The following POC5 variants were observed in gnomAD, a reference collection of about 807,000 sequenced individuals.
POC5 encodes POC5 centriolar protein.
A neutral mutation model predicts 62.9 loss-of-function variants in POC5; 48 were observed. The ratio of observed to expected loss-of-function variants is 0.76; its 90% CI spans 0.61 to 0.97. The LOEUF is 0.97. POC5 is among the 50% of genes least tolerant of loss of function. The probability of loss-of-function intolerance (pLI) is 0.00; values close to 1 mark genes in which losing one functional copy is unlikely to be tolerated. For missense variants in POC5, 696 were observed against 679.5 expected (o/e 1.02, Z -0.27); for synonymous variants, 236 against 228.2 (o/e 1.03, Z -0.31).
chr5:75,694,567 G>T, intron 6 of POC5, 88 bp downstream of exon 6: 2 of 1,082,768 alleles, frequency 1.8e-6, no homozygotes, highest in Non-Finnish European at 1.3e-6. Flanking sequence ...CCTGTATCTT[G>T]TATGAGGTAA....
At chr5:75,683,683 G>A (rs1274120610) in intron 10 of POC5, among the ~76,000 whole-genome samples, 2 of 150,514 alleles carry the variant, frequency 1.3e-5, no homozygotes, top group African/African-American at 4.9e-5. Context: ...GCCACGATGT[G>A]CTTCATCTGA....
intron 5 of POC5, among the ~76,000 whole-genome samples, chr5:75,701,589 A>C (rs1398443469): frequency 2.2e-5 from 2 of 92,946 alleles, no homozygotes; most frequent in Admixed American, 1.4e-4. Flanking sequence ...GGGAGGGGGG[A>C]GGGATAGCAT....
chr5:75,710,212 CTG>C (rs1446295615), intron 2 of POC5, among the ~76,000 whole-genome samples: 2 of 152,182 alleles, frequency 1.3e-5, no homozygotes, highest in East Asian at 3.8e-4. Context: ...CAGAATGAAA[CTG>C]TAAGGAACCC....
chr5:75,701,861 G>A (rs1776899622), intron 5 of POC5, among the ~76,000 whole-genome samples: 1 of 152,082 alleles, frequency 6.6e-6, no homozygotes, highest in African/African-American at 2.4e-5. Context: ...AGTTGCTATA[G>A]GAGTGGCTAT....
chr5:75,674,624 T>A (rs200998336), intron 11 of POC5, 46 bp from the exon 12 acceptor site: 2 of 1,578,904 alleles, frequency 1.3e-6, no homozygotes, highest in Admixed American at 3.4e-5. Context: ...AGATTATGTA[T>A]ACTATGTATC....
At chr5:75,693,881 A>T (rs1180340316) in intron 6 of POC5, among the ~76,000 whole-genome samples, 1 of 152,178 alleles carries the variant, frequency 6.6e-6, no homozygotes, top group East Asian at 1.9e-4. Flanking sequence ...GAGGCAAAAA[A>T]TTAGCACAGA....
intron 2 of POC5, among the ~76,000 whole-genome samples, 155 bp from the exon 3 acceptor site, chr5:75,708,030 G>A (rs1055579694): frequency 6.6e-6 from 1 of 152,068 alleles, no homozygotes; most frequent in African/African-American, 2.4e-5. Context: ...TGAGTTCCTC[G>A]AGTGCTTCTT....
chr5:75,709,963 G>A (rs888510703), intron 2 of POC5, among the ~76,000 whole-genome samples: 1 of 152,204 alleles, frequency 6.6e-6, no homozygotes, highest in African/African-American at 2.4e-5. Context: ...GTGTGGCCAA[G>A]AGACCTGGTC....
chr5:75,716,577 T>G (rs1428607795), intron 1 of POC5, among the ~76,000 whole-genome samples: 1 of 152,224 alleles, frequency 6.6e-6, no homozygotes, highest in Non-Finnish European at 1.5e-5. Context: ...AGTAGCATTT[T>G]CCTTACTGTT....
At chr5:75,677,611 G>GTA (rs1403594976) in intron 11 of POC5, 163 bp downstream of exon 11, 1 of 394,732 alleles carries the variant, frequency 2.5e-6, no homozygotes, top group Non-Finnish European at 4.1e-6. Flanking sequence ...AGAAAAACAA[G>GTA]TATATATATT....
At chr5:75,678,766 T>C (rs1405409572) in intron 10 of POC5, among the ~76,000 whole-genome samples, 1 of 152,186 alleles carries the variant, frequency 6.6e-6, no homozygotes, top group Non-Finnish European at 1.5e-5. Flanking sequence ...TAAAAATATA[T>C]TGCAAACAAT....
chr5:75,711,140 C>T (rs1386342880), intron 2 of POC5, among the ~76,000 whole-genome samples: 1 of 151,984 alleles, frequency 6.6e-6, no homozygotes, highest in Non-Finnish European at 1.5e-5. Flanking sequence ...TTTAGAGTTT[C>T]ATATATGTAG....
rs1776947332 is a variant in POC5, at chr5:75,702,805, A to C, written c.313T>G (p.Ser105Ala). 1 of 1,564,120 alleles carries C rather than the reference A, an allele frequency of 6.4e-7. No individual in the cohort carries two copies. Among genetic ancestry groups the C allele is most frequent in the Admixed American group, 1.9e-5 (1 of 52,470 alleles). The change falls in exon 5 of 12, where the codon TCA (serine) becomes GCA (alanine). Residue 105 changes from serine (S) to alanine (A), a missense_variant. Transcript: ENST00000428202. ...GGCTTCCTTGGCGATAACACTGGTGATGACTCTGAATAAAAGAAAAGTTGT... is the reference window on the plus strand; with the variant it reads ...GGCTTCCTTGGCGATAACACTGGTGCTGACTCTGAATAAAAGAAAAGTTGT... ...ISSHSKTDES[S>A]PVLSPRKPSH...
intron 10 of POC5, among the ~76,000 whole-genome samples, chr5:75,683,113 T>C (rs565439171): frequency 7.9e-5 from 12 of 152,308 alleles, no homozygotes; most frequent in Non-Finnish European, 1.2e-4. Context: ...TTTCCTCTTA[T>C]GTAAGTGGTT....
At chr5:75,699,974 T>C (rs1304244459) in intron 5 of POC5, among the ~76,000 whole-genome samples, 4 of 151,886 alleles carry the variant, frequency 2.6e-5, no homozygotes, top group African/African-American at 9.7e-5. Context: ...CATAATTGCT[T>C]CAAAGAGAAT....
chr5:75,684,968 C>T (rs555302190), intron 10 of POC5, among the ~76,000 whole-genome samples: 13 of 151,430 alleles, frequency 8.6e-5, no homozygotes, highest in African/African-American at 2.9e-4. Flanking sequence ...ACAGGGTTCA[C>T]GCCATTCTCC....
intron 10 of POC5, among the ~76,000 whole-genome samples, chr5:75,680,216 T>C (rs1775816871): frequency 6.6e-6 from 1 of 152,106 alleles, no homozygotes; most frequent in Non-Finnish European, 1.5e-5. Flanking sequence ...AATGTGGAAA[T>C]AAGTACAATT....
intron 2 of POC5, chr5:75,709,566 C>T (rs1350338555): frequency 1.3e-5 from 2 of 152,036 alleles, no homozygotes; most frequent in African/African-American, 4.8e-5. Context: ...CTGTGTGGCT[C>T]CAGTTTTAGT....
chr5:75,704,902 T>A (rs1037490518), intron 4 of POC5, among the ~76,000 whole-genome samples: 3 of 152,234 alleles, frequency 2.0e-5, no homozygotes, highest in Non-Finnish European at 4.4e-5. Flanking sequence ...CTAGTATGCT[T>A]TTAAAAGTTC....
Sources: allele counts gnomAD v4.1 joint callset (sites outside exome capture counted in the v4.1 genomes callset), GRCh38; gene constraint gnomAD v4.1.1; transcripts MANE v1.5; gene names NCBI Gene and HGNC (gene_info 2026-07-23, HGNC 2026-07-21).